The following MYPN variants were observed in gnomAD, a reference collection of about 807,000 sequenced individuals.
MYPN encodes sarcomeric protein myopalladin, 145 kDa (MYOP).
In MYPN, 63 loss-of-function variants were observed where a neutral mutation model predicts 129.4. The observed-to-expected ratio is 0.49, with a 90% confidence interval of 0.40 to 0.60. The LOEUF (loss-of-function observed/expected upper bound fraction) is 0.60, where lower values mean the gene tolerates loss of function less well. MYPN is among the 20% of genes least tolerant of loss of function. MYPN has a pLI of 0.00. For missense variants in MYPN, 1,596 were observed against 1,635.4 expected, an observed-to-expected ratio of 0.98 and a Z score of 0.42; for synonymous variants, 629 against 600.9, an observed-to-expected ratio of 1.05 and a Z score of -0.68.
rs116829480 is a variant in MYPN at position 68,197,127 on chromosome 10, G to C, written c.3159-225G>C. Among the ~76,000 whole-genome samples, 8,025 of 152,092 alleles carry C rather than the reference G, an allele frequency of 0.053. 248 individuals are homozygous for C. The highest frequency in any genetic ancestry group is 0.065 in the Middle Eastern group (19 of 294). On this transcript the variant is annotated intron_variant, in intron 15 of 19. Coordinates refer to ENST00000358913, the MANE Select transcript of MYPN (RefSeq NM_032578.4). ...AGAAAGAAGCTAAGCCTGTTTATTT[G>C]ATTGCAGATCTCGCAAGACAATCCC...
chr10:68,174,655 A>C lies in MYPN; in HGVS notation c.2563A>C (p.Met855Leu). 1.2e-6 allele frequency: 2 copies of C among 1,613,762 alleles called. No homozygotes were observed. Among genetic ancestry groups the C allele is most frequent in the Non-Finnish European group, 1.7e-6 (2 of 1,179,642 alleles). Residue 855 changes from methionine to leucine, a missense_variant and splice_region_variant, in exon 11 of 20, where the codon ATG becomes CTG. By Grantham distance (15) the Met-to-Leu change is conservative. Transcript: ENST00000358913. ...AMGLPRSAPS[M>L]PSQGLAKKNT... ...GGGGCTGCCTAGAAGTGCACCATCC[A>C]TGTAAGTGTCATTGAGGTTTCTTGA...
intron 2 of MYPN, among the ~76,000 whole-genome samples, chr10:68,131,231 A>C (rs1249759911): frequency 6.6e-6 from 1 of 152,126 alleles, no homozygotes; most frequent in Non-Finnish European, 1.5e-5. Flanking sequence ...TCTACCAAAA[A>C]TACAAAAATT....
intron 6 of MYPN, among the ~76,000 whole-genome samples, chr10:68,157,859 C>A (rs1201641403): frequency 4.2e-5 from 6 of 144,552 alleles, no homozygotes; most frequent in African/African-American, 1.0e-4. Flanking sequence ...AACAAACAAA[C>A]AAAAAAAAAC....
intron 12 of MYPN, among the ~76,000 whole-genome samples, chr10:68,188,400 A>T (rs1233014334): frequency 7.4e-6 from 1 of 134,474 alleles, no homozygotes; most frequent in East Asian, 2.3e-4. Flanking sequence ...GTGAGCCACC[A>T]TGCCTGGCCT....
At chr10:68,194,568 C>T (rs2043573373) in intron 14 of MYPN, 56 bp downstream of exon 14, 2 of 1,582,710 alleles carry the variant, frequency 1.3e-6, no homozygotes, top group Non-Finnish European at 1.7e-6. Flanking sequence ...CGGTTGATGT[C>T]ATTGTGAATG....
At chr10:68,134,060 G>T (rs1363780502) in intron 2 of MYPN, among the ~76,000 whole-genome samples, 1 of 151,902 alleles carries the variant, frequency 6.6e-6, no homozygotes, top group African/African-American at 2.4e-5. Flanking sequence ...AACAGAAGAA[G>T]GGAAGAAATC....
chr10:68,186,724 G>A (rs909541919), intron 12 of MYPN, among the ~76,000 whole-genome samples: 1 of 152,162 alleles, frequency 6.6e-6, no homozygotes, highest in Non-Finnish European at 1.5e-5. Flanking sequence ...TCTAGGTGCT[G>A]TCAATATAGG....
chr10:68,134,511 T>C (rs2042456027), intron 2 of MYPN, among the ~76,000 whole-genome samples: 2 of 152,188 alleles, frequency 1.3e-5, no homozygotes, highest in Non-Finnish European at 2.9e-5. Flanking sequence ...AAATAGGATA[T>C]GTGGGCCAGA....
chr10:68,089,329 GC>G (rs1464020087), intron 1 of MYPN, among the ~76,000 whole-genome samples: 1 of 151,878 alleles, frequency 6.6e-6, no homozygotes, highest in African/African-American at 2.4e-5. Context: ...ACTTTGCCTG[GC>G]CTGTTTTTTG....
intron 7 of MYPN, among the ~76,000 whole-genome samples, chr10:68,159,172 C>A (rs1448811675): frequency 2.6e-5 from 4 of 152,170 alleles, no homozygotes; most frequent in African/African-American, 9.7e-5. Flanking sequence ...GATGGTCACA[C>A]AATTAATCAG....
intron 2 of MYPN, among the ~76,000 whole-genome samples, chr10:68,125,699 GAAGTCTTCA>G (rs1447402882): frequency 6.6e-6 from 1 of 152,178 alleles, no homozygotes; most frequent in Non-Finnish European, 1.5e-5. Flanking sequence ...AAAAGTCAAA[GAAGTCTTCA>G]GAGATGTAGG....
Position 68,143,039 on chromosome 10 carries a change from G to C in MYPN, c.1002G>C (p.Glu334Asp), listed in dbSNP as rs754809755. 1.2e-6 allele frequency: 2 copies of C among 1,614,120 alleles called. No individual in the cohort carries two copies. The highest frequency in any genetic ancestry group is 2.2e-5 in the East Asian group (1 of 44,872). The change falls in exon 3 of 20, where the codon GAG (glutamate) becomes GAC (aspartate). Residue 334 changes from glutamate to aspartate, a missense_variant. Physicochemically the swap from Glu to Asp is conservative, Grantham distance 45. Transcript: ENST00000358913. ...TGACCATTGCGGAAGCCTTTGAAGA[G>C]GACACAGGACGCTATTCCTGCTTTG... ...HSLTIAEAFE[E>D]DTGRYSCFAS...
chr10:68,151,534 A>T (rs902456143), intron 6 of MYPN, among the ~76,000 whole-genome samples: 2 of 152,178 alleles, frequency 1.3e-5, no homozygotes, highest in African/African-American at 2.4e-5. Context: ...TAACACAGCT[A>T]AGAGAGCTAC....
At chr10:68,145,589 A>G in intron 4 of MYPN, 63 bp downstream of exon 4, 1 of 1,367,988 alleles carries the variant, frequency 7.3e-7, no homozygotes, top group South Asian at 1.2e-5. Context: ...CTCAAAGAGA[A>G]TGATTAATTG....
chr10:68,121,482 T>C lies in MYPN; in HGVS notation c.44T>C (p.Leu15Pro). ...SIEASTSISQ[L>P]LRESYLAETR... ...GAAGCTTCTACTTCCATATCTCAGC[T>C]TCTAAGAGAGAGCTATTTAGCTGAA... The change falls in exon 2 of 20, where the codon CTT (leucine) becomes CCT (proline). Residue 15 changes from leucine (L) to proline (P), a missense_variant. Transcript: ENST00000358913. The C allele has an allele frequency of 6.2e-7, 1 of 1,614,040 alleles. No homozygotes were observed. The highest frequency in any genetic ancestry group is 1.1e-5 in the South Asian group (1 of 91,074).
chr10:68,146,936 C>T (rs1024789996), intron 4 of MYPN, among the ~76,000 whole-genome samples: 7 of 152,184 alleles, frequency 4.6e-5, no homozygotes, highest in East Asian at 1.9e-4. Flanking sequence ...TTTGGATACA[C>T]GGATTGGCTT....
chr10:68,154,517 A>G (rs1327811801), intron 6 of MYPN, among the ~76,000 whole-genome samples: 2 of 152,202 alleles, frequency 1.3e-5, no homozygotes, highest in African/African-American at 4.8e-5. Context: ...TCAATTCTGG[A>G]GACTTTTCTT....
intron 1 of MYPN, among the ~76,000 whole-genome samples, chr10:68,093,682 C>T (rs1417298788): frequency 1.1e-4 from 17 of 150,850 alleles, no homozygotes; most frequent in Non-Finnish European, 1.6e-4. Context: ...GCGTGAACCC[C>T]GGAGGCGGAG....
chr10:68,188,056 G>C (rs923788804), intron 12 of MYPN, among the ~76,000 whole-genome samples: 1 of 152,022 alleles, frequency 6.6e-6, no homozygotes, highest in African/African-American at 2.4e-5. Context: ...TGTTGTGAGG[G>C]GGGCAGAGAG....
Sources: allele counts gnomAD v4.1 joint callset (sites outside exome capture counted in the v4.1 genomes callset), GRCh38; gene constraint gnomAD v4.1.1; transcripts MANE v1.5; gene names NCBI Gene and HGNC (gene_info 2026-07-23, HGNC 2026-07-21).